RBM47: variants seen among roughly 807,000 people sequenced by gnomAD.
RBM47 encodes the protein RNA binding motif protein 47, also known as RNA-binding protein 47.
RBM47 carries 21 observed loss-of-function variants against 47.1 expected under a neutral mutation model. The observed-to-expected ratio is 0.45, with a 90% CI of 0.32 to 0.64. The LOEUF (loss-of-function observed/expected upper bound fraction) is 0.64. Among genes scored for constraint, RBM47 ranks in the 30% least tolerant of loss-of-function variants. The pLI is 0.05. For synonymous variants in RBM47, 375 were observed against 361.7 expected, an observed-to-expected ratio of 1.04 and a Z score of -0.42; for missense variants, 708 against 870.9, an observed-to-expected ratio of 0.81 and a Z score of 2.35.
Position 40,432,550 on chromosome 4 carries a change from G to C in RBM47, c.1542+101C>G, listed in dbSNP as rs567926183. ...GTCACCCAACCATAGCTGTAACAGA[G>C]AGCCAGGCACACAGTAAATTCTCAG... On this transcript the variant is annotated intron_variant, in intron 6 of 6. Coordinates refer to ENST00000295971, the MANE Select transcript of RBM47 (RefSeq NM_001098634.2). 8.3e-5 allele frequency: 129 copies of C among 1,548,366 alleles called. 4 individuals carry two copies. In the South Asian group the frequency reaches 1.4e-3, roughly 17 times the overall value.
chr4:40,470,826 T>C (rs1296265611), intron 2 of RBM47, among the ~76,000 whole-genome samples: 2 of 152,314 alleles, frequency 1.3e-5, no homozygotes, highest in Non-Finnish European at 1.5e-5. Context: ...CGCTGCAGCC[T>C]CTGCTTCCCG....
At chr4:40,589,753 T>C (rs893136037) in intron 1 of RBM47, among the ~76,000 whole-genome samples, 10 of 152,220 alleles carry the variant, frequency 6.6e-5, no homozygotes, top group Admixed American at 5.9e-4. Flanking sequence ...CTGTACAATT[T>C]AAAAGGGTGA....
intron 1 of RBM47, among the ~76,000 whole-genome samples, chr4:40,621,379 C>G (rs1472876058): frequency 6.6e-6 from 1 of 152,194 alleles, no homozygotes; most frequent in Non-Finnish European, 1.5e-5. Context: ...ACAAACATGA[C>G]AGATCAGAGA....
At chr4:40,490,237 A>T (rs1721676887) in intron 2 of RBM47, among the ~76,000 whole-genome samples, 1 of 152,170 alleles carries the variant, frequency 6.6e-6, no homozygotes, top group South Asian at 2.1e-4. Flanking sequence ...GCACTCTCTC[A>T]ACTTCTATAT....
chr4:40,624,412 G>A (rs1373034330), intron 1 of RBM47, among the ~76,000 whole-genome samples: 3 of 151,922 alleles, frequency 2.0e-5, no homozygotes, highest in Non-Finnish European at 4.4e-5. Context: ...ATGACCAAAC[G>A]TTGCTGATTA....
intron 1 of RBM47, among the ~76,000 whole-genome samples, chr4:40,559,214 G>A (rs911073990): frequency 6.6e-6 from 1 of 152,134 alleles, no homozygotes; most frequent in Admixed American, 6.6e-5. Flanking sequence ...TGGATTATAT[G>A]GAAAAGCAGC....
chr4:40,436,345 C>G, intron 5 of RBM47, 96 bp downstream of exon 5: 1 of 1,201,958 alleles, frequency 8.3e-7, no homozygotes, highest in South Asian at 1.3e-5. Context: ...AACCCCTGTG[C>G]AGATGTGAGA....
intron 6 of RBM47, among the ~76,000 whole-genome samples, chr4:40,431,535 G>A (rs537237882): frequency 1.8e-4 from 27 of 152,190 alleles, no homozygotes; most frequent in Admixed American, 3.3e-4. Context: ...GCGTGCGCCT[G>A]TAGTCCCAGC....
intron 2 of RBM47, among the ~76,000 whole-genome samples, chr4:40,469,512 C>T (rs950278380): frequency 1.3e-5 from 2 of 150,870 alleles, no homozygotes; most frequent in Non-Finnish European, 2.9e-5. Context: ...CGGCTCACTG[C>T]AACCTCTGCC....
At chr4:40,614,753 C>G (rs566322097) in intron 1 of RBM47, among the ~76,000 whole-genome samples, 1 of 151,998 alleles carries the variant, frequency 6.6e-6, no homozygotes, top group East Asian at 1.9e-4. Context: ...ATCACTTGAG[C>G]CTAGAAGGCC....
At chr4:40,537,100 AATTTT>A (rs1325627121) in intron 2 of RBM47, among the ~76,000 whole-genome samples, 4 of 152,010 alleles carry the variant, frequency 2.6e-5, no homozygotes, top group African/African-American at 7.2e-5. Context: ...TGAATGAACT[AATTTT>A]ATTTTATGTT....
At chr4:40,562,499 T>C (rs1004613814) in intron 1 of RBM47, among the ~76,000 whole-genome samples, 2 of 150,234 alleles carry the variant, frequency 1.3e-5, no homozygotes, top group Non-Finnish European at 3.0e-5. Flanking sequence ...GTCTCACTCT[T>C]GTGTCACCCA....
intron 1 of RBM47, among the ~76,000 whole-genome samples, chr4:40,546,731 G>C (rs191048600): frequency 6.6e-6 from 1 of 152,130 alleles, no homozygotes; most frequent in Admixed American, 6.6e-5. Flanking sequence ...GACTTGCTTC[G>C]GTGAGTCCAA....
chr4:40,630,432 C>G (rs1214805795), upstream of RBM47: 1 of 152,140 alleles, frequency 6.6e-6, no homozygotes, highest in Non-Finnish European at 1.5e-5. Context: ...CCGGGGAGAG[C>G]TCCCGGGGCG....
chr4:40,423,704 C>CTTTCTTTCT lies in RBM47; in HGVS notation c.*2191_*2199dup, dbSNP rs756855912. 2 of 45,540 alleles carry CTTTCTTTCT rather than the reference C, an allele frequency of 4.4e-5. No homozygotes were observed. The highest frequency in any genetic ancestry group is 8.7e-5 in the Non-Finnish European group (2 of 22,918). 2.8% of individuals were successfully genotyped at this position (45,540 alleles called of 1,614,324 possible). On this transcript the variant is annotated 3_prime_UTR_variant, in exon 7 of 7. Transcript: ENST00000295971. The stretch of plus-strand genomic sequence containing the variant: ...TCTTTCTTTCTTTCTTTCTTTCTTT[C>CTTTCTTTCT]TTTCTTTCTTTTCTTTCTTTTCTTT...
At chr4:40,491,901 G>A (rs1721920200) in intron 2 of RBM47, 1 of 169,444 alleles carries the variant, frequency 5.9e-6, no homozygotes, top group Admixed American at 6.4e-5. Flanking sequence ...GCTAAAAGTT[G>A]AAACACCACC....
chr4:40,603,846 C>G (rs1299246399), intron 1 of RBM47, among the ~76,000 whole-genome samples: 1 of 152,162 alleles, frequency 6.6e-6, no homozygotes, highest in Non-Finnish European at 1.5e-5. Flanking sequence ...AAGTAATCTG[C>G]CTGCCTCGGC....
At chr4:40,560,082 C>G (rs1214491030) in intron 1 of RBM47, among the ~76,000 whole-genome samples, 1 of 152,118 alleles carries the variant, frequency 6.6e-6, no homozygotes, top group African/African-American at 2.4e-5. Context: ...AGTTAAACAC[C>G]AGCCTGGTCA....
chr4:40,517,963 A>C (rs1725781815), intron 2 of RBM47, among the ~76,000 whole-genome samples: 1 of 152,124 alleles, frequency 6.6e-6, no homozygotes. Context: ...GCCTGCAACC[A>C]ATTCCCCATG....
Sources: gnomAD v4.1 joint callset for allele counts (sites outside exome capture counted in the v4.1 genomes callset) on GRCh38, gnomAD v4.1.1 for gene constraint, MANE v1.5 for transcripts, NCBI Gene and HGNC (gene_info 2026-07-23, HGNC 2026-07-21) for gene names.